The following THSD4 variants were observed in gnomAD, a reference collection of about 807,000 sequenced individuals.
The protein encoded by THSD4 is thrombospondin type 1 domain containing 4, also known as thrombospondin type-1 domain-containing protein 4.
Under a neutral mutation model 119.0 loss-of-function variants are expected in THSD4, and 69 were observed. That is an observed-to-expected ratio of 0.58 (90% CI 0.48 to 0.71). The LOEUF (loss-of-function observed/expected upper bound fraction) is 0.71, where lower values mean the gene tolerates loss of function less well. Among genes scored for constraint, THSD4 ranks in the 30% least tolerant of loss-of-function variants. The pLI, the probability that THSD4 is intolerant of heterozygous loss-of-function variation, is 0.00. For synonymous variants in THSD4, 524 were observed against 540.4 expected (o/e 0.97, Z 0.42); for missense variants, 1,393 against 1,391.1 (o/e 1.00, Z -0.02).
chr15:71,357,192 T>C (rs1379129938), intron 6 of THSD4, among the ~76,000 whole-genome samples: 1 of 152,240 alleles, frequency 6.6e-6, no homozygotes, highest in African/African-American at 2.4e-5. Flanking sequence ...CCTTGCATCC[T>C]AGCTGGCCCC....
intron 1 of THSD4, among the ~76,000 whole-genome samples, chr15:71,123,243 T>C (rs991882356): frequency 6.6e-6 from 1 of 152,262 alleles, no homozygotes; most frequent in South Asian, 2.1e-4. Flanking sequence ...TGGGCATTGC[T>C]ATGCAGTCAT....
At chr15:71,288,525 G>C (rs141219385) in intron 6 of THSD4, among the ~76,000 whole-genome samples, 1 of 152,184 alleles carries the variant, frequency 6.6e-6, no homozygotes, top group Non-Finnish European at 1.5e-5. Flanking sequence ...TAAATACCCT[G>C]ACTTATCTTA....
intron 7 of THSD4, among the ~76,000 whole-genome samples, chr15:71,622,531 G>A (rs943567397): frequency 6.6e-6 from 1 of 152,098 alleles, no homozygotes; most frequent in Non-Finnish European, 1.5e-5. Context: ...TTACTTCATT[G>A]CAACTTAGCA....
At chr15:71,582,209 C>T (rs1380605387) in intron 7 of THSD4, among the ~76,000 whole-genome samples, 1 of 152,062 alleles carries the variant, frequency 6.6e-6, no homozygotes, top group Non-Finnish European at 1.5e-5. Context: ...AGATCTTTTA[C>T]CTCCTTAGTT....
chr15:71,334,286 T>C (rs2045464866), intron 6 of THSD4, among the ~76,000 whole-genome samples: 1 of 152,140 alleles, frequency 6.6e-6, no homozygotes, highest in Non-Finnish European at 1.5e-5. Flanking sequence ...TTCTCACAAA[T>C]GGGGAAACAG....
Position 71,372,098 on chromosome 15 carries a change from C to T in THSD4, c.1016-39589C>T, listed in dbSNP as rs182872302. Among the ~76,000 whole-genome samples the T allele has an allele frequency of 7.9e-5, 12 of 152,288 alleles. No homozygotes were observed. In the South Asian group the frequency reaches 8.3e-4, roughly 11 times the overall value. ...GTTACTGAAGCTTGTGCATTCGTCACGTAGTTCTTGTGCCATGGTTTTCAG... is the reference window on the plus strand; with the variant it reads ...GTTACTGAAGCTTGTGCATTCGTCATGTAGTTCTTGTGCCATGGTTTTCAG... On this transcript the variant is annotated intron_variant, in intron 6 of 17. Coordinates refer to ENST00000261862, the MANE Select transcript of THSD4 (RefSeq NM_024817.3).
At chr15:71,222,874 A>G (rs192330902) in intron 4 of THSD4, among the ~76,000 whole-genome samples, 46 of 152,332 alleles carry the variant, frequency 3.0e-4, no homozygotes, top group Non-Finnish European at 3.7e-4. Context: ...CAGGATAGTT[A>G]TGAGTGCAGC....
chr15:71,160,276 C>A (rs2052524485), intron 3 of THSD4, among the ~76,000 whole-genome samples: 2 of 151,396 alleles, frequency 1.3e-5, no homozygotes, highest in Admixed American at 6.6e-5. Flanking sequence ...CCATAGTTTT[C>A]TTTTTTTTGT....
chr15:71,447,933 G>C (rs1251591874), intron 7 of THSD4, among the ~76,000 whole-genome samples: 1 of 152,112 alleles, frequency 6.6e-6, no homozygotes, highest in Non-Finnish European at 1.5e-5. Flanking sequence ...GCAAAAAGAA[G>C]GACTAAAGGT....
chr15:71,574,800 A>G (rs1476324586), intron 7 of THSD4, among the ~76,000 whole-genome samples: 1 of 152,170 alleles, frequency 6.6e-6, no homozygotes, highest in Non-Finnish European at 1.5e-5. Flanking sequence ...TTCCACAGGA[A>G]TTGATATGGA....
At chr15:71,649,945 G>C (rs2051051273) in intron 7 of THSD4, among the ~76,000 whole-genome samples, 1 of 152,182 alleles carries the variant, frequency 6.6e-6, no homozygotes, top group African/African-American at 2.4e-5. Flanking sequence ...AGGACTGCCA[G>C]CTGCAAGAAG....
At chr15:71,516,057 T>C (rs955259041) in intron 7 of THSD4, among the ~76,000 whole-genome samples, 4 of 152,172 alleles carry the variant, frequency 2.6e-5, no homozygotes, top group African/African-American at 9.7e-5. Flanking sequence ...TGGAAACACT[T>C]TGGGACATGT....
chr15:71,740,289 T>C (rs2053209816), intron 11 of THSD4, among the ~76,000 whole-genome samples: 3 of 152,222 alleles, frequency 2.0e-5, no homozygotes, highest in African/African-American at 7.2e-5. Context: ...GACTCTGTGA[T>C]ATTATAGAGG....
At chr15:71,497,333 C>A (rs1259559778) in intron 7 of THSD4, among the ~76,000 whole-genome samples, 1 of 151,994 alleles carries the variant, frequency 6.6e-6, no homozygotes, top group East Asian at 1.9e-4. Flanking sequence ...GCCAATGTGG[C>A]AATACCCCAT....
rs556338965 is a variant in THSD4 at position 71,630,921 on chromosome 15, G to T, written c.1153-29609G>T. Among the ~76,000 whole-genome samples the T allele has an allele frequency of 9.2e-5, 14 of 152,306 alleles. No individual in the cohort carries two copies. In the South Asian group the frequency reaches 2.1e-3, roughly 23 times the overall value. On this transcript the variant is annotated intron_variant, in intron 7 of 17. Coordinates refer to ENST00000261862, the MANE Select transcript of THSD4 (RefSeq NM_024817.3). ...GCCCTGAAGGTTCTTTGCGGTGGGG[G>T]CTGTCCTGTGCGTTGTAGGATGTTT...
intron 7 of THSD4, among the ~76,000 whole-genome samples, chr15:71,550,023 T>C (rs1871100440): frequency 6.6e-6 from 1 of 152,226 alleles, no homozygotes. Flanking sequence ...GAACTGTGCC[T>C]TCTTTAATTT....
chr15:71,735,388 G>A (rs2053063112), intron 10 of THSD4, among the ~76,000 whole-genome samples: 1 of 151,994 alleles, frequency 6.6e-6, no homozygotes, highest in African/African-American at 2.4e-5. Flanking sequence ...ATGGCACTCA[G>A]GAAACCCAAG....
At chr15:71,314,295 A>G (rs2045155514) in intron 6 of THSD4, among the ~76,000 whole-genome samples, 1 of 151,856 alleles carries the variant, frequency 6.6e-6, no homozygotes, top group African/African-American at 2.4e-5. Context: ...ATAAGAAAAT[A>G]TTATATTTTT....
chr15:71,210,570 T>A (rs1441268990), intron 3 of THSD4, among the ~76,000 whole-genome samples: 1 of 152,138 alleles, frequency 6.6e-6, no homozygotes, highest in African/African-American at 2.4e-5. Context: ...GTTGCCAAGG[T>A]CAGAAAACTA....
Sources: allele counts gnomAD v4.1 joint callset (sites outside exome capture counted in the v4.1 genomes callset), GRCh38; gene constraint gnomAD v4.1.1; transcripts MANE v1.5; gene names NCBI Gene and HGNC (gene_info 2026-07-23, HGNC 2026-07-21).